Variants in RAI1 observed in about 807,000 individuals in gnomAD.
RAI1 encodes the protein retinoic acid-induced protein 1.
In RAI1, 9 loss-of-function variants were observed where a neutral mutation model predicts 123.8. The observed-to-expected ratio is 0.07, with a 90% CI of 0.04 to 0.13. The LOEUF (loss-of-function observed/expected upper bound fraction) is 0.13, where lower values mean the gene tolerates loss of function less well. Among genes scored for constraint, RAI1 ranks in the 10% least tolerant of loss-of-function variants. The pLI is 1.00. For synonymous variants in RAI1, 1,231 were observed against 1,127.3 expected, an observed-to-expected ratio of 1.09 and a Z score of -1.84; for missense variants, 2,256 against 2,545.8, an observed-to-expected ratio of 0.89 and a Z score of 2.45.
chr17:17,732,580 C>G (rs1916306076), intron 2 of RAI1, among the ~76,000 whole-genome samples: 1 of 152,140 alleles, frequency 6.6e-6, no homozygotes. Context: ...CTCATTAATC[C>G]TACAGGTCCC....
chr17:17,774,747 A>G (rs1427337779), intron 2 of RAI1, among the ~76,000 whole-genome samples: 1 of 152,264 alleles, frequency 6.6e-6, no homozygotes. Flanking sequence ...TTTAAAAGTA[A>G]CAGCTAACTT....
rs771248481 is a variant in RAI1, at chr17:17,793,508, A to G, written c.560A>G (p.Lys187Arg). 1.9e-6 allele frequency: 3 copies of G among 1,613,972 alleles called. No homozygotes were observed. The highest frequency in any genetic ancestry group is 2.5e-6 in the Non-Finnish European group (3 of 1,180,018). The change falls in exon 3 of 6, where the codon AAG becomes AGG. Residue 187 changes from lysine (K) to arginine (R), a missense_variant. This residue lies in a region of RAI1 where 336 missense variants were observed against 349.8 expected (regional missense o/e 0.96). Coordinates refer to ENST00000353383, the MANE Select transcript of RAI1 (RefSeq NM_030665.4). ...PPPQQPLAYP[K>R]LQRQKLQNDI... The stretch of plus-strand genomic sequence containing the variant: ...CCCCAGCAGCCCCTGGCATACCCCA[A>G]GCTCCAAAGGCAGAAGCTGCAGAAC...
chr17:17,793,448 G>A lies in RAI1; in HGVS notation c.500G>A (p.Arg167Gln), dbSNP rs771338296. 49 of 1,613,172 alleles carry A rather than the reference G, an allele frequency of 3.0e-5. No homozygotes were observed. Among genetic ancestry groups the A allele is most frequent in the Non-Finnish European group, 3.8e-5 (45 of 1,179,682 alleles). Residue 167 changes from arginine (R) to glutamine (Q), a missense_variant, in exon 3 of 6, where the codon CGG (arginine) becomes CAG (glutamine). Transcript: ENST00000353383. ...YAEQGAQVPF[R>Q]THSLHVQQPP... ...GAGCAGGGCGCCCAGGTGCCCTTTC[G>A]GACTCACTCCCTGCACGTCCAGCAG...
At chr17:17,695,681 G>A (rs1004758053) in intron 1 of RAI1, among the ~76,000 whole-genome samples, 4 of 152,058 alleles carry the variant, frequency 2.6e-5, no homozygotes, top group Admixed American at 1.3e-4. Flanking sequence ...CACTTACCAC[G>A]GCTAATTTTT....
At chr17:17,756,266 C>T (rs954743060) in intron 2 of RAI1, among the ~76,000 whole-genome samples, 4 of 150,068 alleles carry the variant, frequency 2.7e-5, no homozygotes, top group African/African-American at 7.4e-5. Context: ...GGTGTGATCT[C>T]GGCTCACCGC....
intron 1 of RAI1, among the ~76,000 whole-genome samples, chr17:17,683,120 G>A (rs1042073040): frequency 6.6e-6 from 1 of 152,224 alleles, no homozygotes; most frequent in Non-Finnish European, 1.5e-5. Flanking sequence ...GAGAATTCAA[G>A]GGCATTACAT....
chr17:17,805,165 G>A (rs866505715), intron 4 of RAI1, among the ~76,000 whole-genome samples: 2 of 152,096 alleles, frequency 1.3e-5, no homozygotes, highest in African/African-American at 4.8e-5. Context: ...CCGGCCCCTA[G>A]TAGCGTTTTT....
intron 2 of RAI1, among the ~76,000 whole-genome samples, chr17:17,767,825 C>A (rs1039630818): frequency 6.6e-6 from 1 of 152,170 alleles, no homozygotes; most frequent in Non-Finnish European, 1.5e-5. Context: ...CACAGGTGGG[C>A]CTGGTGATGT....
intron 2 of RAI1, among the ~76,000 whole-genome samples, chr17:17,789,933 C>T (rs2143000786): frequency 6.6e-6 from 1 of 152,272 alleles, no homozygotes; most frequent in East Asian, 1.9e-4. Flanking sequence ...CACCCCTTCT[C>T]CCTCCAGCCC....
intron 1 of RAI1, among the ~76,000 whole-genome samples, chr17:17,701,020 A>T (rs550398455): frequency 1.3e-5 from 2 of 152,284 alleles, no homozygotes; most frequent in South Asian, 4.1e-4. Context: ...CGTCTTTAGA[A>T]GCTGGTACCT....
At chr17:17,791,666 A>AT (rs2032016333) in intron 2 of RAI1, among the ~76,000 whole-genome samples, 1 of 152,080 alleles carries the variant, frequency 6.6e-6, no homozygotes, top group South Asian at 2.1e-4. Context: ...TTCTGGGTAA[A>AT]TCCCAAACCC....
intron 1 of RAI1, among the ~76,000 whole-genome samples, chr17:17,694,963 G>A (rs750684069): frequency 8.6e-5 from 13 of 151,994 alleles, no homozygotes; most frequent in Non-Finnish European, 1.6e-4. Flanking sequence ...TCTGGGCCTC[G>A]TTCTCCCACT....
Position 17,681,736 on chromosome 17 carries a change from C to G in RAI1, c.-206C>G, listed in dbSNP as rs1320278081. The G allele has an allele frequency of 3.1e-6, 1 of 327,826 alleles. No homozygotes were observed. The highest frequency in any genetic ancestry group is 4.6e-5 in the East Asian group (1 of 21,908). 20.3% of individuals were successfully genotyped at this position (327,826 alleles called of 1,614,324 possible). ...CCGACCCCCATGGCCACCCAGGCCT[C>G]CGGGCCGCGAAGTCGCAGCGCCAGA... is the stretch of plus-strand genomic sequence containing the variant. On this transcript the variant is annotated 5_prime_UTR_variant, in exon 1 of 6. Coordinates refer to ENST00000353383, the MANE Select transcript of RAI1 (RefSeq NM_030665.4).
intron 2 of RAI1, among the ~76,000 whole-genome samples, chr17:17,791,397 C>G (rs534343735): frequency 3.5e-4 from 53 of 152,248 alleles, no homozygotes; most frequent in Admixed American, 1.6e-3. Context: ...CCCAGCTCTC[C>G]CCCACTCCCC....
chr17:17,779,074 G>C (rs746945818), intron 2 of RAI1: 13 of 360,678 alleles, frequency 3.6e-5, no homozygotes, highest in Non-Finnish European at 7.2e-5. Flanking sequence ...AAACACCTTC[G>C]CATTTCATGG....
chr17:17,779,216 A>AGTGGCTGGCTG (rs1305990909), intron 2 of RAI1: 14 of 325,798 alleles, frequency 4.3e-5, no homozygotes, highest in Non-Finnish European at 8.4e-5. Flanking sequence ...CCTCTGGAGC[A>AGTGGCTGGCTG]GTGGCTGGCT....
intron 2 of RAI1, among the ~76,000 whole-genome samples, chr17:17,792,224 A>G (rs2032035935): frequency 6.6e-6 from 1 of 152,256 alleles, no homozygotes; most frequent in Non-Finnish European, 1.5e-5. Flanking sequence ...TTATGTCTAC[A>G]GTGGCTTGGC....
intron 4 of RAI1, among the ~76,000 whole-genome samples, chr17:17,805,070 A>G (rs1273505094): frequency 6.6e-6 from 1 of 151,938 alleles, no homozygotes; most frequent in Non-Finnish European, 1.5e-5. Flanking sequence ...ACTGCTTTGG[A>G]CAGGATGGTC....
Position 17,798,265 on chromosome 17 carries a change from G to T in RAI1, c.5317G>T (p.Ala1773Ser), listed in dbSNP as rs1598094445. The T allele has an allele frequency of 2.5e-6, 4 of 1,602,604 alleles. No homozygotes were observed. In the South Asian group the frequency reaches 4.4e-5, roughly 18 times the overall value. ...CAAGCAGGGCCCACTGCGCACCAGT[G>T]CCCGGGGCCTGTCCCGGAGGCTGCA... ...PAKQGPLRTSARGLSRRLQSC... is the reference protein window; with the variant it reads ...PAKQGPLRTSSRGLSRRLQSC... Residue 1773 changes from alanine to serine, a missense_variant, in exon 3 of 6, where the codon GCC (alanine) becomes TCC (serine). Transcript: ENST00000353383.
Sources: allele counts gnomAD v4.1 joint callset (sites outside exome capture counted in the v4.1 genomes callset), GRCh38; gene constraint gnomAD v4.1.1; regional missense constraint gnomAD v4.1.1; transcripts MANE v1.5; gene names NCBI Gene and HGNC (gene_info 2026-07-23, HGNC 2026-07-21).